Variants in MET observed in about 807,000 individuals in gnomAD.
The protein encoded by MET is hepatocyte growth factor receptor.
MET carries 48 observed loss-of-function variants against 133.1 expected under a neutral mutation model. That is an observed-to-expected ratio of 0.36 (90% CI 0.29 to 0.46). The LOEUF (loss-of-function observed/expected upper bound fraction) is 0.46, where lower values mean the gene tolerates loss of function less well. MET is among the 20% of genes least tolerant of loss of function. The probability of loss-of-function intolerance (pLI) is 1.00; values close to 1 mark genes in which losing one functional copy is unlikely to be tolerated. For synonymous variants in MET, 628 were observed against 616.5 expected (o/e 1.02, Z -0.28); for missense variants, 1,442 against 1,695.9 (o/e 0.85, Z 2.63).
intron 5 of MET, among the ~76,000 whole-genome samples, chr7:116,746,338 T>TAAACTAGTTC (rs2116865869): frequency 6.6e-6 from 1 of 152,338 alleles, no homozygotes; most frequent in South Asian, 2.1e-4. Context: ...GATGGGACTG[T>TAAACTAGTTC]AAACTAGTTC....
intron 19 of MET, among the ~76,000 whole-genome samples, chr7:116,785,054 T>C (rs2117073203): frequency 6.6e-6 from 1 of 152,292 alleles, no homozygotes; most frequent in South Asian, 2.1e-4. Flanking sequence ...AGCAAGGCAG[T>C]TATTAAATCT....
intron 5 of MET, among the ~76,000 whole-genome samples, chr7:116,751,489 T>A (rs1333887574): frequency 6.6e-6 from 1 of 152,184 alleles, no homozygotes; most frequent in Non-Finnish European, 1.5e-5. Flanking sequence ...GATAATCTTA[T>A]GTGTCTTAAA....
At chr7:116,775,859 G>A (rs1794979442) in intron 15 of MET, among the ~76,000 whole-genome samples, 1 of 152,166 alleles carries the variant, frequency 6.6e-6, no homozygotes, top group South Asian at 2.1e-4. Context: ...GACAGCATCA[G>A]AAGACAGAGA....
At chr7:116,715,957 A>G (rs1012669276) in intron 2 of MET, among the ~76,000 whole-genome samples, 4 of 152,150 alleles carry the variant, frequency 2.6e-5, no homozygotes, top group Non-Finnish European at 5.9e-5. Flanking sequence ...AATAGAAGAG[A>G]GTATAAGAAT....
intron 3 of MET, among the ~76,000 whole-genome samples, chr7:116,734,184 A>G (rs1026369431): frequency 6.6e-6 from 1 of 152,248 alleles, no homozygotes; most frequent in Admixed American, 6.5e-5. Flanking sequence ...CTCGTGTTTT[A>G]GTAAATACGA....
chr7:116,688,469 G>C (rs1266663868), intron 1 of MET, among the ~76,000 whole-genome samples: 1 of 152,106 alleles, frequency 6.6e-6, no homozygotes, highest in Non-Finnish European at 1.5e-5. Context: ...ACTTTCAAGG[G>C]CAATGAAACA....
intron 2 of MET, among the ~76,000 whole-genome samples, chr7:116,716,443 A>G (rs1792213176): frequency 6.7e-6 from 1 of 150,038 alleles, no homozygotes; most frequent in Admixed American, 6.7e-5. Context: ...AAAGAAGGAA[A>G]GAAAGAAAAA....
chr7:116,789,170 A>G (rs1324987266), intron 19 of MET, among the ~76,000 whole-genome samples: 2 of 151,850 alleles, frequency 1.3e-5, no homozygotes, highest in Admixed American at 1.3e-4. Context: ...TGTTTTCTTT[A>G]TCCTCAATGG....
chr7:116,736,894 G>C (rs868720067), intron 3 of MET, among the ~76,000 whole-genome samples: 101 of 152,272 alleles, frequency 6.6e-4, no homozygotes, highest in African/African-American at 2.2e-3. Context: ...ATTTAGTTCT[G>C]TTCCTAGAAA....
At position 116,769,761 on chromosome 7, in the gene MET, G is replaced by C. The variant is rs921308683; in HGVS notation, c.2700G>C (p.Leu900=). 6.2e-7 allele frequency: 1 copy of C among 1,613,724 alleles called. No individual in the cohort carries two copies. Among genetic ancestry groups the C allele is most frequent in the South Asian group, 1.1e-5 (1 of 91,072 alleles). ...EAVLCTVPND[L]LKLNSELNIE... ...TTTTATGCACGGTCCCCAATGACCT[G>C]CTGAAATTGAACAGCGAGCTAAATA... is the stretch of plus-strand genomic sequence containing the variant. The change falls in exon 12 of 21, where the codon CTG becomes CTC. Residue 900 remains leucine (L), a synonymous_variant. Transcript: ENST00000397752.
rs570416991 is a variant in MET, at chr7:116,754,636, G to A, written c.1702-719G>A. 1.5e-4 allele frequency among the ~76,000 whole-genome samples: 23 copies of A among 151,340 alleles called. No homozygotes were observed. The East Asian group carries it at 3.3e-3, about 22-fold the overall frequency. Reference sequence around the variant, plus strand: ...AGGAGTTTGAGACCAGCTGGGCAACGTAGTGAGACCCTGTCTCTAGAAAAA... The same window carrying A: ...AGGAGTTTGAGACCAGCTGGGCAACATAGTGAGACCCTGTCTCTAGAAAAA... On this transcript the variant is annotated intron_variant, in intron 5 of 20. Transcript: ENST00000397752.
Position 116,771,604 on chromosome 7 carries a change from T to C in MET, c.2837T>C (p.Leu946Ser). 1 of 1,613,946 alleles carries C rather than the reference T, an allele frequency of 6.2e-7. No individual in the cohort carries two copies. Among genetic ancestry groups the C allele is most frequent in the South Asian group, 1.1e-5 (1 of 91,078 alleles). Residue 946 changes from leucine (L) to serine (S), a missense_variant, in exon 13 of 21, where the codon TTA becomes TCA. By Grantham distance (145) the Leu-to-Ser change is moderately radical. This residue lies in a region of MET where 514 missense variants were observed against 659.6 expected (regional missense o/e 0.78). Coordinates refer to ENST00000397752, the MANE Select transcript of MET (RefSeq NM_000245.4). Reference protein sequence around the residue: ...AGVVSISTALLLLLGFFLWLK... With the variant: ...AGVVSISTALSLLLGFFLWLK... ...GTTGTCTCAATATCAACAGCACTGT[T>C]ATTACTACTTGGGTTTTTCCTGTGG...
rs532097993 is a variant in MET, at chr7:116,779,289, A to C, written c.3522+332A>C. Among the ~76,000 whole-genome samples the C allele has an allele frequency of 4.6e-5, 7 of 152,330 alleles. No homozygotes were observed. In the East Asian group the frequency reaches 1.4e-3, roughly 29 times the overall value. ...GTGGAAGCAGAGCAAGCCTCAGCCC[A>C]TATGGAATGTTAACTCTACAAGGCA... On this transcript the variant is annotated intron_variant, in intron 17 of 20. Coordinates refer to ENST00000397752, the MANE Select transcript of MET (RefSeq NM_000245.4).
intron 19 of MET, among the ~76,000 whole-genome samples, chr7:116,785,019 G>A (rs1041999943): frequency 3.3e-5 from 5 of 152,212 alleles, no homozygotes; most frequent in African/African-American, 7.2e-5. Context: ...ACACAAGTCC[G>A]AGGCCCTATG....
chr7:116,730,665 A>G (rs1430187255), intron 2 of MET, among the ~76,000 whole-genome samples: 1 of 152,120 alleles, frequency 6.6e-6, no homozygotes, highest in Non-Finnish European at 1.5e-5. Flanking sequence ...GATGGACTGT[A>G]TATGGGGGCG....
chr7:116,711,024 A>G (rs1482718503), intron 2 of MET, among the ~76,000 whole-genome samples: 1 of 152,156 alleles, frequency 6.6e-6, no homozygotes, highest in Non-Finnish European at 1.5e-5. Context: ...AAACAGTCAC[A>G]TTTTCTATTT....
At chr7:116,738,739 C>G (rs1166531812) in intron 3 of MET, among the ~76,000 whole-genome samples, 1 of 152,200 alleles carries the variant, frequency 6.6e-6, no homozygotes, top group Non-Finnish European at 1.5e-5. Context: ...CTTCAGGATA[C>G]TTGGCTCCTT....
chr7:116,765,286 C>CAA lies in MET; in HGVS notation c.2583+2039_2583+2040dup, dbSNP rs754418396. On this transcript the variant is annotated intron_variant, in intron 11 of 20. Transcript: ENST00000397752. ...CTGCACTCCAGCCTGGGAGACAGAG[C>CAA]AAAAAAAAAAAAAAAAAAAAAACCA... Among the ~76,000 whole-genome samples the CAA allele has an allele frequency of 9.4e-3, 295 of 31,530 alleles. 3 individuals are homozygous for CAA. Among genetic ancestry groups the CAA allele is most frequent in the African/African-American group, 0.015 (133 of 8,880 alleles). 20.7% of individuals were successfully genotyped at this position (31,530 alleles called of 152,430 possible). A position where few individuals can be genotyped will look rare whatever the true frequency, so the allele number is the denominator to read the frequency against.
intron 2 of MET, among the ~76,000 whole-genome samples, chr7:116,721,324 G>A (rs1792474973): frequency 6.6e-6 from 1 of 152,130 alleles, no homozygotes; most frequent in Non-Finnish European, 1.5e-5. Flanking sequence ...TGTGGGATTG[G>A]TGGTGATATC....
Sources: gnomAD v4.1 joint callset for allele counts (sites outside exome capture counted in the v4.1 genomes callset) on GRCh38, gnomAD v4.1.1 for gene constraint, gnomAD v4.1.1 regional missense constraint, MANE v1.5 for transcripts, NCBI Gene and HGNC (gene_info 2026-07-23, HGNC 2026-07-21) for gene names.